Variants in KIF6 observed in about 807,000 individuals in gnomAD.
The protein encoded by KIF6 is kinesin family member 6.
A neutral mutation model predicts 112.7 loss-of-function variants in KIF6; 106 were observed. The observed-to-expected ratio is 0.94, with a 90% CI of 0.80 to 1.11. The LOEUF is 1.11. Among genes scored for constraint, KIF6 ranks in the 50% least tolerant of loss-of-function variants. The pLI, the probability that KIF6 is intolerant of heterozygous loss-of-function variation, is 0.00. For synonymous variants in KIF6, 339 were observed against 339.9 expected, an observed-to-expected ratio of 1.00 and a Z score of 0.03; for missense variants, 929 against 964.0, an observed-to-expected ratio of 0.96 and a Z score of 0.48.
intron 15 of KIF6, among the ~76,000 whole-genome samples, chr6:39,415,839 G>T (rs191292129): frequency 1.5e-4 from 23 of 152,182 alleles, no homozygotes; most frequent in East Asian, 5.8e-4. Context: ...AAAGGGCATT[G>T]GTCAAATGGT....
intron 7 of KIF6, among the ~76,000 whole-genome samples, chr6:39,587,909 C>A (rs1362575536): frequency 1.4e-4 from 22 of 152,226 alleles, no homozygotes; most frequent in Admixed American, 1.4e-3. Flanking sequence ...CCAAGGTCAT[C>A]AGCAACCTTC....
chr6:39,523,779 C>T (rs909949391), intron 13 of KIF6, among the ~76,000 whole-genome samples: 2 of 148,482 alleles, frequency 1.3e-5, no homozygotes, highest in East Asian at 4.0e-4. Flanking sequence ...AGTTGGCATC[C>T]GTTTTCCATG....
chr6:39,460,536 TA>T (rs759528125), intron 13 of KIF6, among the ~76,000 whole-genome samples: 11,283 of 57,152 alleles, frequency 0.2, 479 homozygotes, highest in Middle Eastern at 0.29. Flanking sequence ...AAAAAAAAAG[TA>T]AAAAAAAAAA....
rs1581827019 is a variant in KIF6, at chr6:39,425,518, T to A, written c.1755-5515A>T. 2.0e-5 allele frequency among the ~76,000 whole-genome samples: 3 copies of A among 152,244 alleles called. No individual in the cohort carries two copies. In the East Asian group the frequency reaches 5.8e-4, roughly 29 times the overall value. On this transcript the variant is annotated intron_variant, in intron 14 of 22. Coordinates refer to ENST00000287152, the MANE Select transcript of KIF6 (RefSeq NM_145027.6). ...ATGGCCTCCCTCTCCCGCCTCCAGT[T>A]GATCAGCTCCTCCCCTGACCCTCCA...
At chr6:39,377,865 G>A in intron 16 of KIF6, among the ~76,000 whole-genome samples, 1 of 150,574 alleles carries the variant, frequency 6.6e-6, no homozygotes, top group South Asian at 2.1e-4. Context: ...CGAATGGCTT[G>A]TTCTTGGGGG....
intron 13 of KIF6, among the ~76,000 whole-genome samples, chr6:39,528,895 CA>C (rs1777890050): frequency 6.6e-6 from 1 of 152,070 alleles, no homozygotes. Context: ...TATGGAACCA[CA>C]AAAACCCCTG....
chr6:39,586,336 G>A lies in KIF6; in HGVS notation c.915C>T (p.Val305=), dbSNP rs1389166338. 2 of 1,614,004 alleles carry A rather than the reference G, an allele frequency of 1.2e-6. No homozygotes were observed. Among genetic ancestry groups the A allele is most frequent in the East Asian group, 2.2e-5 (1 of 44,886 alleles). Residue 305 remains valine (V), a synonymous_variant, in exon 8 of 23, where the codon GTC becomes GTT. Coordinates refer to ENST00000287152, the MANE Select transcript of KIF6 (RefSeq NM_145027.6). The part of the protein sequence containing the change: ...IPYRNSMMTS[V]LRDSLGGNCM... The stretch of plus-strand genomic sequence containing the variant: ...AGTTCCCTCCCAAACTGTCTCTTAG[G>A]ACACTGGTCATCATGGAGTTTCTAT...
At chr6:39,375,892 C>T (rs1766399673) in intron 16 of KIF6, among the ~76,000 whole-genome samples, 1 of 152,198 alleles carries the variant, frequency 6.6e-6, no homozygotes, top group Admixed American at 6.5e-5. Flanking sequence ...AGGCTGGCAC[C>T]AGGGCTGACA....
At chr6:39,697,370 A>G (rs1048122278) in intron 3 of KIF6, among the ~76,000 whole-genome samples, 2 of 152,090 alleles carry the variant, frequency 1.3e-5, no homozygotes, top group African/African-American at 4.8e-5. Context: ...TCATAAGCCT[A>G]TCAGGTTGGT....
chr6:39,352,754 C>A (rs889459376), intron 19 of KIF6, among the ~76,000 whole-genome samples: 1 of 152,084 alleles, frequency 6.6e-6, no homozygotes, highest in African/African-American at 2.4e-5. Flanking sequence ...CACGTGCATG[C>A]CAATATCCTT....
chr6:39,471,708 A>T (rs4714256), intron 13 of KIF6, among the ~76,000 whole-genome samples: 44,735 of 151,928 alleles, frequency 0.29, 8,022 homozygotes, highest in African/African-American at 0.5. Flanking sequence ...TATTTTTGTA[A>T]TCTTCCCAGT....
intron 18 of KIF6, among the ~76,000 whole-genome samples, chr6:39,357,984 T>A (rs1050438761): frequency 6.6e-6 from 1 of 152,248 alleles, no homozygotes; most frequent in African/African-American, 2.4e-5. Flanking sequence ...TTGTTTAAAA[T>A]GTTATCTTCA....
chr6:39,363,010 G>A (rs767504819), intron 16 of KIF6, among the ~76,000 whole-genome samples: 2 of 152,056 alleles, frequency 1.3e-5, no homozygotes, highest in African/African-American at 2.4e-5. Flanking sequence ...TTAGCTGGGC[G>A]TGGTGGCGGG....
intron 22 of KIF6, among the ~76,000 whole-genome samples, chr6:39,337,192 T>C (rs183990988): frequency 1.4e-4 from 14 of 99,904 alleles, no homozygotes; most frequent in African/African-American, 8.2e-4. Flanking sequence ...TCTTTCTTTC[T>C]TTCTTTCTTT....
At chr6:39,376,534 T>C (rs1329910140) in intron 16 of KIF6, among the ~76,000 whole-genome samples, 1 of 152,196 alleles carries the variant, frequency 6.6e-6, no homozygotes, top group Non-Finnish European at 1.5e-5. Context: ...TGCTGGCACA[T>C]CTTTAAGGCA....
At chr6:39,339,158 G>T (rs368803677) in intron 22 of KIF6, among the ~76,000 whole-genome samples, 47 of 152,266 alleles carry the variant, frequency 3.1e-4, no homozygotes, top group African/African-American at 1.1e-3. Context: ...GCACACTACA[G>T]ATGTACCATT....
intron 6 of KIF6, among the ~76,000 whole-genome samples, chr6:39,601,711 G>GACACACACACAC (rs10532285): frequency 6.8e-6 from 1 of 147,388 alleles, no homozygotes; most frequent in Non-Finnish European, 1.5e-5. Flanking sequence ...ATTTCTTTGG[G>GACACACACACAC]ACACACACAC....
chr6:39,396,174 G>A (rs1307816695), intron 15 of KIF6, among the ~76,000 whole-genome samples: 1 of 152,188 alleles, frequency 6.6e-6, no homozygotes, highest in African/African-American at 2.4e-5. Context: ...GGAGGAATGT[G>A]TTAGTGAGTT....
At chr6:39,398,346 A>T in intron 15 of KIF6, among the ~76,000 whole-genome samples, 1 of 152,212 alleles carries the variant, frequency 6.6e-6, no homozygotes, top group Non-Finnish European at 1.5e-5. Context: ...TCCTCATCGA[A>T]GCAGAAGTTG....
Sources: gnomAD v4.1 joint callset for allele counts (sites outside exome capture counted in the v4.1 genomes callset) on GRCh38, gnomAD v4.1.1 for gene constraint, MANE v1.5 for transcripts, NCBI Gene and HGNC (gene_info 2026-07-23, HGNC 2026-07-21) for gene names.